The following UBAP2L variants were observed in gnomAD, a reference collection of about 807,000 sequenced individuals.
The protein encoded by UBAP2L is ubiquitin associated protein 2 like, also known as ubiquitin-associated protein 2-like.
A neutral mutation model predicts 130.6 loss-of-function variants in UBAP2L; 12 were observed. That is an observed-to-expected ratio of 0.09 (90% CI 0.06 to 0.15). The LOEUF (loss-of-function observed/expected upper bound fraction) is 0.15. Among genes scored for constraint, UBAP2L ranks in the 10% least tolerant of loss-of-function variants. The probability of loss-of-function intolerance (pLI) is 1.00; values close to 1 mark genes in which losing one functional copy is unlikely to be tolerated. For synonymous variants in UBAP2L, 503 were observed against 524.7 expected (o/e 0.96, Z 0.57); for missense variants, 965 against 1,332.5 (o/e 0.72, Z 4.29).
At chr1:154,248,718 A>C (rs1249518669) in intron 11 of UBAP2L, among the ~76,000 whole-genome samples, 2 of 152,144 alleles carry the variant, frequency 1.3e-5, no homozygotes, top group Non-Finnish European at 2.9e-5. Flanking sequence ...CGGGAGGCTG[A>C]GGCAGGAGAA....
intron 14 of UBAP2L, among the ~76,000 whole-genome samples, chr1:154,253,298 G>A (rs1281892261): frequency 6.6e-6 from 1 of 152,098 alleles, no homozygotes; most frequent in Non-Finnish European, 1.5e-5. Context: ...CACGGCTTCC[G>A]GGTCCACTTT....
intron 24 of UBAP2L, among the ~76,000 whole-genome samples, chr1:154,264,176 G>C (rs1558230522): frequency 6.6e-6 from 1 of 152,294 alleles, no homozygotes; most frequent in East Asian, 1.9e-4. Context: ...AAGTTAACGT[G>C]GACAGTGAGA....
At position 154,253,934 on chromosome 1, in the gene UBAP2L, C is replaced by A. The variant is rs775257324; in HGVS notation, c.1699C>A (p.Gln567Lys). Residue 567 changes from glutamine (Q) to lysine (K), a missense_variant, in exon 15 of 27, where the codon CAG becomes AAG. Gln to Lys is a moderately conservative substitution (Grantham distance 53, BLOSUM62 1). Coordinates refer to ENST00000428931, the MANE Select transcript of UBAP2L (RefSeq NM_014847.4). Reference sequence around the variant, plus strand: ...CTCTACAATTTCATCTAACCAGAGTCAGGAGTCTGGTTATCAGAGCGGCCC... The same window carrying A: ...CTCTACAATTTCATCTAACCAGAGTAAGGAGTCTGGTTATCAGAGCGGCCC... ...SSSTISSNQSQESGYQSGPIQ... is the reference protein window; with the variant it reads ...SSSTISSNQSKESGYQSGPIQ... 2.2e-5 allele frequency: 36 copies of A among 1,613,994 alleles called. No individual in the cohort carries two copies. The Admixed American group carries it at 3.3e-4, about 15-fold the overall frequency.
chr1:154,245,325 A>T lies in UBAP2L; in HGVS notation c.843-879A>T, dbSNP rs552972287. ...CAGGTATGGTTGAAAGAAGTGTGTT[A>T]TGAGTAACAAAGGACACTATCACTT... is the stretch of plus-strand genomic sequence containing the variant. On this transcript the variant is annotated intron_variant, in intron 10 of 26. Coordinates refer to ENST00000428931, the MANE Select transcript of UBAP2L (RefSeq NM_014847.4). Among the ~76,000 whole-genome samples, 71 of 152,316 alleles carry T rather than the reference A, an allele frequency of 4.7e-4. 1 individual carries two copies. Among genetic ancestry groups the T allele is most frequent in the Middle Eastern group, 6.8e-3 (2 of 294 alleles).
At chr1:154,259,860 T>G in intron 21 of UBAP2L, 88 bp from the exon 22 acceptor site, 1 of 1,357,636 alleles carries the variant, frequency 7.4e-7, no homozygotes, top group Non-Finnish European at 1.1e-6. Context: ...AACTCTCACA[T>G]TCTTCTGTTT....
At chr1:154,225,301 A>G in intron 2 of UBAP2L, 88 bp downstream of exon 2, 1 of 1,454,402 alleles carries the variant, frequency 6.9e-7, no homozygotes, top group Non-Finnish European at 9.5e-7. Context: ...TGTGCTTTGA[A>G]CTGTTGGTTT....
intron 3 of UBAP2L, among the ~76,000 whole-genome samples, 189 bp downstream of exon 3, chr1:154,227,548 G>GTT (rs140500910): frequency 8.8e-4 from 132 of 149,750 alleles, no homozygotes; most frequent in East Asian, 6.9e-3. Context: ...CCTTTGTTTT[G>GTT]TTTTTTGTTT....
At chr1:154,249,950 C>G (rs575738540) in intron 12 of UBAP2L, among the ~76,000 whole-genome samples, 1 of 150,966 alleles carries the variant, frequency 6.6e-6, no homozygotes, top group Non-Finnish European at 1.5e-5. Flanking sequence ...TATTATTATT[C>G]TCCTTAGATT....
intron 4 of UBAP2L, among the ~76,000 whole-genome samples, chr1:154,232,069 C>T (rs1219178344): frequency 2.6e-5 from 4 of 152,258 alleles, no homozygotes; most frequent in African/African-American, 9.6e-5. Context: ...TGGCTCACAC[C>T]TGTAATCCCA....
rs762298963 is a variant in UBAP2L, at chr1:154,249,300, G to A, written c.1076G>A (p.Gly359Asp). ...VGEAKGGSTT[G>D]SQFLEQFKTA... ...GAAGCTAAAGGCGGCAGTACTACAGGCTCCCAGTTCTTGGAGCAATTCAAG... is the reference window on the plus strand; with the variant it reads ...GAAGCTAAAGGCGGCAGTACTACAGACTCCCAGTTCTTGGAGCAATTCAAG... The change falls in exon 12 of 27, where the codon GGC becomes GAC. Residue 359 changes from glycine to aspartate, a missense_variant. By Grantham distance (94) the Gly-to-Asp change is moderately conservative. This residue lies in a region of UBAP2L where 99 missense variants were observed against 106.4 expected (regional missense o/e 0.93). Transcript: ENST00000428931. 2 of 1,614,148 alleles carry A rather than the reference G, an allele frequency of 1.2e-6. No individual in the cohort carries two copies. Among genetic ancestry groups the A allele is most frequent in the Non-Finnish European group, 1.7e-6 (2 of 1,180,028 alleles).
intron 25 of UBAP2L, among the ~76,000 whole-genome samples, chr1:154,267,341 A>G (rs1236515955): frequency 6.6e-6 from 1 of 151,630 alleles, no homozygotes; most frequent in Non-Finnish European, 1.5e-5. Flanking sequence ...TTTTTAGTAG[A>G]GACGGGGTTT....
chr1:154,245,653 C>T (rs751440915), intron 10 of UBAP2L, among the ~76,000 whole-genome samples: 44 of 152,056 alleles, frequency 2.9e-4, no homozygotes, highest in Non-Finnish European at 1.5e-4. Flanking sequence ...CGGTGGCTAA[C>T]GCCTGTAATC....
At chr1:154,267,151 G>GTTTTTTT (rs36051247) in intron 25 of UBAP2L, among the ~76,000 whole-genome samples, 14 of 108,622 alleles carry the variant, frequency 1.3e-4, no homozygotes, top group Non-Finnish European at 2.3e-4. Flanking sequence ...TATCCAACGA[G>GTTTTTTT]TTTTTTTTTT....
chr1:154,245,590 G>A (rs1675155994), intron 10 of UBAP2L, among the ~76,000 whole-genome samples: 1 of 152,118 alleles, frequency 6.6e-6, no homozygotes, highest in Non-Finnish European at 1.5e-5. Flanking sequence ...GTAAGTTTTG[G>A]CTGAGTTATT....
intron 24 of UBAP2L, 99 bp from the exon 25 acceptor site, chr1:154,266,402 T>C (rs41265221): frequency 5.5e-6 from 7 of 1,281,232 alleles, no homozygotes; most frequent in Non-Finnish European, 8.0e-6. Flanking sequence ...TTCCCTTGCA[T>C]TGGTATAGCT....
rs375046323 is a variant in UBAP2L at position 154,261,552 on chromosome 1, G to A, written c.2797-40G>A. 5.8e-5 allele frequency: 92 copies of A among 1,592,718 alleles called. No homozygotes were observed. The African/African-American group carries it at 1.2e-3, about 21-fold the overall frequency. On this transcript the variant is annotated intron_variant, in intron 23 of 26. Coordinates refer to ENST00000428931, the MANE Select transcript of UBAP2L (RefSeq NM_014847.4). ...GGACAAGTGGGACAGATGGTATTCT[G>A]CTGCCAAGTCACTGCAAATCTGGCC...
intron 4 of UBAP2L, among the ~76,000 whole-genome samples, chr1:154,231,637 A>T (rs1456515919): frequency 1.3e-5 from 2 of 152,018 alleles, no homozygotes; most frequent in Non-Finnish European, 2.9e-5. Context: ...TGTTTTAGAG[A>T]TCTCATGTAA....
At chr1:154,245,606 G>A (rs934518486) in intron 10 of UBAP2L, among the ~76,000 whole-genome samples, 1 of 152,182 alleles carries the variant, frequency 6.6e-6, no homozygotes, top group African/African-American at 2.4e-5. Context: ...TTATTGAGCT[G>A]CCATGTTAAA....
chr1:154,223,242 T>A (rs868791839), intron 1 of UBAP2L, among the ~76,000 whole-genome samples: 2 of 152,226 alleles, frequency 1.3e-5, no homozygotes, highest in South Asian at 2.1e-4. Flanking sequence ...CTTTTTAATA[T>A]GTTTACATCT....
Sources: allele counts gnomAD v4.1 joint callset (sites outside exome capture counted in the v4.1 genomes callset), GRCh38; gene constraint gnomAD v4.1.1; regional missense constraint gnomAD v4.1.1; transcripts MANE v1.5; gene names NCBI Gene and HGNC (gene_info 2026-07-23, HGNC 2026-07-21).